Variants in APBB2 observed in about 807,000 individuals in gnomAD.
The protein encoded by APBB2 is Fe65-like 1.
In APBB2, 38 loss-of-function variants were observed where a neutral mutation model predicts 82.5. The observed-to-expected ratio is 0.46, with a 90% CI of 0.36 to 0.60. APBB2 has a LOEUF of 0.60. Among genes scored for constraint, APBB2 ranks in the 20% least tolerant of loss-of-function variants. The pLI, the probability that APBB2 is intolerant of heterozygous loss-of-function variation, is 0.00. For missense variants in APBB2, 772 were observed against 972.3 expected, an observed-to-expected ratio of 0.79 and a Z score of 2.74; for synonymous variants, 341 against 368.2, an observed-to-expected ratio of 0.93 and a Z score of 0.85.
chr4:41,189,863 C>A (rs1339336578), intron 1 of APBB2, among the ~76,000 whole-genome samples: 1 of 152,192 alleles, frequency 6.6e-6, no homozygotes, highest in Non-Finnish European at 1.5e-5. Context: ...TGTCTGTGAA[C>A]CCCTGGGAGA....
At chr4:41,059,731 T>A (rs1175878678) in intron 4 of APBB2, among the ~76,000 whole-genome samples, 1 of 152,244 alleles carries the variant, frequency 6.6e-6, no homozygotes. Context: ...ACAATGCTAA[T>A]GACTGGTTTG....
rs138290436 is a variant in APBB2, at chr4:40,974,680, T to A, written c.836-29607A>T. Among the ~76,000 whole-genome samples, 251 of 152,300 alleles carry A rather than the reference T, an allele frequency of 1.6e-3. 1 individual carries two copies. The highest frequency in any genetic ancestry group is 5.7e-3 in the African/African-American group (238 of 41,564). ...CTCCATGAAGATCTGTCTGGAGAAG[T>A]AAACCTCTTTAATCTAACATGATCA... On this transcript the variant is annotated intron_variant, in intron 6 of 17. Coordinates refer to ENST00000508593, the MANE Select transcript of APBB2 (RefSeq NM_004307.2).
chr4:40,964,388 G>A (rs1794071799), intron 6 of APBB2, among the ~76,000 whole-genome samples: 1 of 151,306 alleles, frequency 6.6e-6, no homozygotes, highest in African/African-American at 2.5e-5. Context: ...GCAATGCTGT[G>A]TTTTTCACTG....
At chr4:41,033,584 T>TCTCACA (rs1355663784) in intron 4 of APBB2, among the ~76,000 whole-genome samples, 110 of 130,822 alleles carry the variant, frequency 8.4e-4, no homozygotes, top group Middle Eastern at 7.7e-3. Flanking sequence ...CTTTTTCTCA[T>TCTCACA]CACACACACA....
chr4:40,979,505 T>C (rs552324805), intron 6 of APBB2, among the ~76,000 whole-genome samples: 3 of 152,378 alleles, frequency 2.0e-5, no homozygotes, highest in East Asian at 1.9e-4. Flanking sequence ...TTAAGATCCA[T>C]AGTCAACTGT....
intron 12 of APBB2, among the ~76,000 whole-genome samples, chr4:40,839,670 CTTTTTTT>C (rs551355165): frequency 1.5e-4 from 22 of 144,874 alleles, no homozygotes; most frequent in African/African-American, 5.5e-4. Flanking sequence ...TTTCTTTTTT[CTTTTTTT>C]TTTTTGAGGT....
Position 41,044,801 on chromosome 4 carries a change from A to G in APBB2, c.-50-11497T>C, listed in dbSNP as rs577747463. 2.0e-3 allele frequency among the ~76,000 whole-genome samples: 303 copies of G among 152,274 alleles called. 2 individuals carry two copies. The highest frequency in any genetic ancestry group is 6.8e-3 in the African/African-American group (284 of 41,570). On this transcript the variant is annotated intron_variant, in intron 4 of 17. Coordinates refer to ENST00000508593, the MANE Select transcript of APBB2 (RefSeq NM_004307.2). ...TTCTTTTTAACCCAATAGTTTTATT[A>G]GAATATCTTGGTATGGGTTGTTCTA...
intron 3 of APBB2, among the ~76,000 whole-genome samples, chr4:41,097,597 G>A (rs562247154): frequency 6.6e-6 from 1 of 152,198 alleles, no homozygotes; most frequent in Non-Finnish European, 1.5e-5. Context: ...TACTCATTTA[G>A]GGTTGACATA....
intron 2 of APBB2, among the ~76,000 whole-genome samples, chr4:41,112,371 A>C (rs566927962): frequency 6.6e-6 from 1 of 152,326 alleles, no homozygotes; most frequent in South Asian, 2.1e-4. Flanking sequence ...CTTGGCCACA[A>C]GTATCTGGGA....
intron 6 of APBB2, chr4:40,990,294 C>CT (rs35682085): frequency 0.39 from 58,737 of 151,252 alleles, 11,457 homozygotes; most frequent in Middle Eastern, 0.47. Context: ...CTTCTCTCTC[C>CT]CTCTCTCTTT....
rs1744504432 is a variant in APBB2, at chr4:40,811,961, C to CT, written c.*4130dup. ...ATTCTTTATTCTTTGATGTCAGGTT[C>CT]TTAAAGGAAGTGATAAACTTCTTCG... On this transcript the variant is annotated 3_prime_UTR_variant, in exon 18 of 18. Transcript: ENST00000508593. 6.6e-6 allele frequency: 1 copy of CT among 152,120 alleles called. No individual in the cohort carries two copies. Among genetic ancestry groups the CT allele is most frequent in the Non-Finnish European group, 1.5e-5 (1 of 68,014 alleles). The allele number at this position is 152,120 out of a possible 1,614,324, so 9.4% of individuals were successfully genotyped here. A position where few individuals can be genotyped will look rare whatever the true frequency, so the allele number is the denominator to read the frequency against.
chr4:40,835,274 T>TA (rs55645125), intron 12 of APBB2, among the ~76,000 whole-genome samples: 18,171 of 130,862 alleles, frequency 0.14, 1,189 homozygotes, highest in Non-Finnish European at 0.16. Flanking sequence ...AGATTCCGTC[T>TA]AAAAAAAAAA....
At chr4:40,875,362 A>G (rs1766621913) in intron 12 of APBB2, among the ~76,000 whole-genome samples, 1 of 152,250 alleles carries the variant, frequency 6.6e-6, no homozygotes, top group Non-Finnish European at 1.5e-5. Flanking sequence ...GGACCCTCCT[A>G]AGGATTACTT....
chr4:40,836,600 T>C (rs17587985), intron 12 of APBB2, among the ~76,000 whole-genome samples: 12,359 of 151,780 alleles, frequency 0.081, 517 homozygotes, highest in East Asian at 0.11. Context: ...GGGAAAAAAA[T>C]TGCTGGGGAA....
chr4:41,036,838 G>A (rs755180279), intron 4 of APBB2, among the ~76,000 whole-genome samples: 4 of 152,186 alleles, frequency 2.6e-5, no homozygotes, highest in Non-Finnish European at 4.4e-5. Flanking sequence ...TATCCTTGAT[G>A]AATGAATCTC....
intron 1 of APBB2, among the ~76,000 whole-genome samples, chr4:41,192,174 T>G (rs1022527016): frequency 6.6e-6 from 1 of 152,274 alleles, no homozygotes; most frequent in South Asian, 2.1e-4. Flanking sequence ...AAGGGAACGT[T>G]TGTACACTGT....
intron 6 of APBB2, among the ~76,000 whole-genome samples, chr4:40,945,388 T>G (rs1267674698): frequency 6.6e-6 from 1 of 151,924 alleles, no homozygotes; most frequent in Non-Finnish European, 1.5e-5. Flanking sequence ...CAGAATCAAT[T>G]TCCCAAACAA....
At chr4:40,903,735 C>G (rs6447509) in intron 10 of APBB2, among the ~76,000 whole-genome samples, 74,838 of 151,778 alleles carry the variant, frequency 0.49, 18,649 homozygotes, top group East Asian at 0.61. Context: ...AGGATACACA[C>G]ACCACTGCAG....
At chr4:40,906,892 C>T (rs891771098) in intron 10 of APBB2, among the ~76,000 whole-genome samples, 3 of 152,104 alleles carry the variant, frequency 2.0e-5, no homozygotes, top group African/African-American at 7.2e-5. Flanking sequence ...CCCACACATG[C>T]ACTTATTGAG....
Sources: allele counts gnomAD v4.1 joint callset (sites outside exome capture counted in the v4.1 genomes callset), GRCh38; gene constraint gnomAD v4.1.1; transcripts MANE v1.5; gene names NCBI Gene and HGNC (gene_info 2026-07-23, HGNC 2026-07-21).